HIP1: variants seen among roughly 807,000 people sequenced by gnomAD.
The protein encoded by HIP1 is huntingtin-interacting protein 1.
Under a neutral mutation model 147.6 loss-of-function variants are expected in HIP1, and 65 were observed. The ratio of observed to expected loss-of-function variants is 0.44; its 90% confidence interval spans 0.36 to 0.54. The LOEUF (loss-of-function observed/expected upper bound fraction) is 0.54. HIP1 is among the 20% of genes least tolerant of loss of function. HIP1 has a pLI of 0.00. For synonymous variants in HIP1, 479 were observed against 504.0 expected (o/e 0.95, Z 0.67); for missense variants, 1,061 against 1,299.6 (o/e 0.82, Z 2.82).
At chr7:75,650,382 T>C (rs1798931688) in intron 1 of HIP1, among the ~76,000 whole-genome samples, 1 of 151,842 alleles carries the variant, frequency 6.6e-6, no homozygotes, top group Non-Finnish European at 1.5e-5. Context: ...GCCAGCCTTG[T>C]ACTGGGGAGA....
chr7:75,633,026 T>C (rs1416028248), intron 1 of HIP1, among the ~76,000 whole-genome samples: 1 of 152,020 alleles, frequency 6.6e-6, no homozygotes, highest in East Asian at 1.9e-4. Flanking sequence ...AGGGAGAGCA[T>C]CAGGAGGAAT....
At chr7:75,732,393 C>T (rs1013019310) in intron 1 of HIP1, among the ~76,000 whole-genome samples, 16 of 151,996 alleles carry the variant, frequency 1.1e-4, no homozygotes, top group Middle Eastern at 3.2e-3. Context: ...TTTCCTTTTA[C>T]AGGGTCTGGC....
At chr7:75,584,800 C>T (rs1476317314) in intron 5 of HIP1, among the ~76,000 whole-genome samples, 3 of 152,060 alleles carry the variant, frequency 2.0e-5, no homozygotes, top group Non-Finnish European at 4.4e-5. Flanking sequence ...TTTCCTTTTC[C>T]ACCTAAAATC....
chr7:75,609,906 T>TC (rs1292565280), intron 1 of HIP1, among the ~76,000 whole-genome samples: 8 of 147,770 alleles, frequency 5.4e-5, no homozygotes, highest in African/African-American at 2.0e-4. Flanking sequence ...TTCTTTTCTT[T>TC]TTTTTTTTTT....
intron 1 of HIP1, among the ~76,000 whole-genome samples, chr7:75,658,297 A>G (rs1554513066): frequency 3.3e-5 from 5 of 152,230 alleles, no homozygotes; most frequent in Non-Finnish European, 7.3e-5. Flanking sequence ...CATGTTGGCC[A>G]GGCTGGTCTC....
chr7:75,541,479 C>T (rs1487339544), intron 29 of HIP1, among the ~76,000 whole-genome samples: 14 of 149,018 alleles, frequency 9.4e-5, no homozygotes, highest in Non-Finnish European at 1.9e-4. Flanking sequence ...TGCAGTGAGC[C>T]GAGATCACAC....
At chr7:75,622,849 TTATC>T (rs57401190) in intron 1 of HIP1, among the ~76,000 whole-genome samples, 43,911 of 146,062 alleles carry the variant, frequency 0.3, 6,740 homozygotes, top group Middle Eastern at 0.37. Context: ...AAATAAATAA[TTATC>T]TATCTATCTA....
intron 28 of HIP1, 50 bp from the exon 29 acceptor site, chr7:75,542,030 TGGCAC>T: frequency 4.0e-6 from 6 of 1,506,154 alleles, no homozygotes; most frequent in Non-Finnish European, 5.5e-6. Flanking sequence ...CCTGGCTGAC[TGGCAC>T]CTGAGAGGCA....
At chr7:75,606,234 G>A (rs914412191) in intron 1 of HIP1, among the ~76,000 whole-genome samples, 6 of 152,184 alleles carry the variant, frequency 3.9e-5, no homozygotes, top group Non-Finnish European at 8.8e-5. Context: ...TATAATGTGA[G>A]CTGTAAAACG....
intron 1 of HIP1, among the ~76,000 whole-genome samples, chr7:75,672,760 A>G (rs1321533501): frequency 1.3e-5 from 2 of 152,214 alleles, no homozygotes; most frequent in African/African-American, 2.4e-5. Context: ...CCAAGCTCAT[A>G]AAGATTTACA....
intron 1 of HIP1, among the ~76,000 whole-genome samples, chr7:75,673,632 C>T (rs909174466): frequency 6.6e-6 from 1 of 151,872 alleles, no homozygotes; most frequent in Admixed American, 6.6e-5. Flanking sequence ...TATTGGTTTT[C>T]TTAATTTCAT....
rs1795285995 is a variant in HIP1 at position 75,563,073 on chromosome 7, G to C, written c.882C>G (p.Asn294Lys). The C allele has an allele frequency of 6.2e-7, 1 of 1,614,072 alleles. No individual in the cohort carries two copies. Among genetic ancestry groups the C allele is most frequent in the Admixed American group, 1.7e-5 (1 of 59,980 alleles). The change falls in exon 11 of 31, where the codon AAC becomes AAG. Residue 294 changes from asparagine to lysine, a missense_variant and splice_region_variant. Around this residue, in one of 3 missense-constraint regions of HIP1, gnomAD observed 810 missense variants for 946.8 expected, o/e 0.86. Transcript: ENST00000336926. Reference sequence around the variant, plus strand: ...CTGAGGCTCGCAGGAAGTTGGGTGGGTTCTGAAGACGGAGACACATCCTCA... The same window carrying C: ...CTGAGGCTCGCAGGAAGTTGGGTGGCTTCTGAAGACGGAGACACATCCTCA... ...RLIQIPQLPE[N>K]PPNFLRASAL...
intron 4 of HIP1, among the ~76,000 whole-genome samples, chr7:75,589,427 G>A (rs1221845979): frequency 6.6e-6 from 1 of 152,016 alleles, no homozygotes; most frequent in Non-Finnish European, 1.5e-5. Context: ...GCTGATGCCT[G>A]TAATCCCAAC....
intron 1 of HIP1, among the ~76,000 whole-genome samples, chr7:75,605,145 G>A (rs1797175970): frequency 6.6e-6 from 1 of 152,136 alleles, no homozygotes; most frequent in African/African-American, 2.4e-5. Context: ...GGGTCTGGAG[G>A]GCTGTTGTTC....
intron 1 of HIP1, among the ~76,000 whole-genome samples, chr7:75,656,193 T>A (rs921832642): frequency 1.3e-5 from 2 of 151,928 alleles, no homozygotes; most frequent in Admixed American, 6.6e-5. Flanking sequence ...CATTTTTTTT[T>A]AAAAGCACAA....
intron 22 of HIP1, 68 bp from the exon 23 acceptor site, chr7:75,549,069 A>C (rs1584781138): frequency 8.6e-7 from 1 of 1,163,094 alleles, no homozygotes. Context: ...GCCATCTGTA[A>C]CCCTTACAAG....
chr7:75,610,707 G>A (rs587630892), intron 1 of HIP1, among the ~76,000 whole-genome samples: 5 of 151,636 alleles, frequency 3.3e-5, no homozygotes, highest in South Asian at 2.1e-4. Context: ...CGCCTCTAAA[G>A]TGTACCAGGT....
chr7:75,671,736 T>C (rs1799734547), intron 1 of HIP1, among the ~76,000 whole-genome samples: 1 of 148,452 alleles, frequency 6.7e-6, no homozygotes, highest in Non-Finnish European at 1.5e-5. Context: ...TTATTTCATG[T>C]TTTCCTTTTT....
intron 12 of HIP1, 52 bp downstream of exon 12, chr7:75,562,021 C>T (rs1795245086): frequency 1.9e-6 from 2 of 1,033,892 alleles, no homozygotes; most frequent in Non-Finnish European, 1.5e-6. Context: ...TGAGGCAGAC[C>T]ATGGCTTAAC....
Sources: allele counts gnomAD v4.1 joint callset (sites outside exome capture counted in the v4.1 genomes callset), GRCh38; gene constraint gnomAD v4.1.1; regional missense constraint gnomAD v4.1.1; transcripts MANE v1.5; gene names NCBI Gene and HGNC (gene_info 2026-07-23, HGNC 2026-07-21).